Variants in TRNT1 observed in about 807,000 individuals in gnomAD.
TRNT1 encodes CCA tRNA nucleotidyltransferase 1, mitochondrial.
In TRNT1, 44 loss-of-function variants were observed where a neutral mutation model predicts 45.6. The ratio of observed to expected loss-of-function variants is 0.97; its 90% CI spans 0.76 to 1.24. TRNT1 has a LOEUF of 1.24. Among genes scored for constraint, TRNT1 ranks in the 50% most tolerant of loss-of-function variants. TRNT1 has a pLI of 0.00. For missense variants in TRNT1, 633 were observed against 504.4 expected (o/e 1.25, Z -2.44); for synonymous variants, 201 against 171.4 (o/e 1.17, Z -1.35).
intron 2 of TRNT1, among the ~76,000 whole-genome samples, chr3:3,133,410 T>G (rs1180110498): frequency 6.6e-6 from 1 of 151,924 alleles, no homozygotes; most frequent in African/African-American, 2.4e-5. Flanking sequence ...AATAATAAAT[T>G]TAGCCAGTTA....
At chr3:3,144,526 T>C (rs1416633537) in intron 4 of TRNT1, 58 bp from the exon 5 acceptor site, 1 of 1,492,876 alleles carries the variant, frequency 6.7e-7, no homozygotes, top group Non-Finnish European at 9.1e-7. Context: ...GATTTTCTTG[T>C]GTTTTCAAAT....
intron 3 of TRNT1, among the ~76,000 whole-genome samples, chr3:3,137,729 G>A (rs1037607805): frequency 6.6e-6 from 1 of 152,034 alleles, no homozygotes; most frequent in Admixed American, 6.6e-5. Context: ...TTCCATAAGG[G>A]AAGATGATTT....
intron 2 of TRNT1, chr3:3,129,451 G>A (rs888683109): frequency 2.4e-6 from 1 of 420,776 alleles, no homozygotes; most frequent in Middle Eastern, 7.1e-4. Context: ...GAAAGGCTTG[G>A]CTGGGTGTAC....
chr3:3,130,694 A>C (rs757348206), intron 2 of TRNT1: 1 of 152,224 alleles, frequency 6.6e-6, no homozygotes, highest in Non-Finnish European at 1.5e-5. Context: ...TGGTTCATCT[A>C]ATTTAATCCA....
chr3:3,150,781 G>A (rs1559237854), downstream of TRNT1: 1 of 1,287,222 alleles, frequency 7.8e-7, no homozygotes, highest in East Asian at 2.5e-5. Context: ...TGTTTACTTA[G>A]GTATGTATCA....
downstream of TRNT1, chr3:3,152,516 T>TA: frequency 1.2e-6 from 2 of 1,614,074 alleles, no homozygotes; most frequent in Non-Finnish European, 8.5e-7. Context: ...GCAAGCCTTA[T>TA]ACACAGTAAG....
In TRNT1 at chr3:3,139,337, A is replaced by G. The variant is rs919058082; in HGVS notation, c.343-1173A>G. ...TCAAATTCTTGAGTTCTGGAATTCT[A>G]TAGTGAGAGATAGATGTAGCTTGTA... On this transcript the variant is annotated intron_variant, in intron 3 of 7. Coordinates refer to ENST00000251607, the MANE Select transcript of TRNT1 (RefSeq NM_182916.3). Among the ~76,000 whole-genome samples the G allele has an allele frequency of 1.8e-4, 27 of 152,320 alleles. 2 individuals are homozygous for G. The highest frequency in any genetic ancestry group is 5.8e-4 in the African/African-American group (24 of 41,574).
At chr3:3,130,390 C>G (rs1704939707) in intron 2 of TRNT1, 1 of 163,720 alleles carries the variant, frequency 6.1e-6, no homozygotes, top group Admixed American at 5.6e-5. Flanking sequence ...TTAGCTTATT[C>G]TCAAAGCTAC....
chr3:3,134,043 G>A (rs1705174373), intron 2 of TRNT1, among the ~76,000 whole-genome samples: 1 of 152,094 alleles, frequency 6.6e-6, no homozygotes, highest in Non-Finnish European at 1.5e-5. Flanking sequence ...TATCAGAGGT[G>A]GCATTTGGAG....
chr3:3,149,611 G>C (rs1046029558), downstream of TRNT1: 1 of 152,036 alleles, frequency 6.6e-6, no homozygotes, highest in Non-Finnish European at 1.5e-5. Flanking sequence ...AAGAACTATA[G>C]GAACAAACCA....
At position 3,148,815 on chromosome 3, in the gene TRNT1, T is replaced by TAATTA. The variant is rs1553556448; in HGVS notation, c.*662_*663insATTAA. 6.6e-6 allele frequency: 1 copy of TAATTA among 151,984 alleles called. No homozygotes were observed. The highest frequency in any genetic ancestry group is 2.4e-5 in the African/African-American group (1 of 41,380). The allele number at this position is 151,984 out of a possible 1,614,324, so 9.4% of individuals were successfully genotyped here. ...GTCACTATTGAGCCTATTAATTAAT[T>TAATTA]ATTGTTTTAATAAAACAAACATTGG... On this transcript the variant is annotated 3_prime_UTR_variant, in exon 8 of 8. Coordinates refer to ENST00000251607, the MANE Select transcript of TRNT1 (RefSeq NM_182916.3).
At chr3:3,136,001 G>A (rs1705305636) in intron 2 of TRNT1, among the ~76,000 whole-genome samples, 1 of 152,128 alleles carries the variant, frequency 6.6e-6, no homozygotes, top group Non-Finnish European at 1.5e-5. Flanking sequence ...CGGGTTAGAT[G>A]CTCTCAGGAA....
Position 3,148,923 on chromosome 3 carries a change from G to GTGTT in TRNT1, c.*770_*773dup. On this transcript the variant is annotated 3_prime_UTR_variant, in exon 8 of 8. Coordinates refer to ENST00000251607, the MANE Select transcript of TRNT1 (RefSeq NM_182916.3). ...CAATGGTAATATGCCTGTCTTTAAAGTGTTATTTTATTAATTAAAAGGATA... is the reference window on the plus strand; with the variant it reads ...CAATGGTAATATGCCTGTCTTTAAAGTGTTTGTTATTTTATTAATTAAAAGGATA... The GTGTT allele has an allele frequency of 6.6e-6, 1 of 151,758 alleles. No individual in the cohort carries two copies. Among genetic ancestry groups the GTGTT allele is most frequent in the East Asian group, 1.9e-4 (1 of 5,186 alleles). 9.4% of individuals were successfully genotyped at this position (151,758 alleles called of 1,614,324 possible). A position where few individuals can be genotyped will look rare whatever the true frequency, so the allele number is the denominator to read the frequency against.
chr3:3,148,267 T>C lies in TRNT1; in HGVS notation c.*113T>C, dbSNP rs1326806330. 4.4e-6 allele frequency: 5 copies of C among 1,137,246 alleles called. No homozygotes were observed. The East Asian group carries it at 7.4e-5, about 17-fold the overall frequency. 70.4% of individuals were successfully genotyped at this position (1,137,246 alleles called of 1,614,324 possible). A position where few individuals can be genotyped will look rare whatever the true frequency, so the allele number is the denominator to read the frequency against. The stretch of plus-strand genomic sequence containing the variant: ...AATAAAAGACAGTTTAGGGGACCTC[T>C]GTAGAACAACAAGGGTCTTATTTTG... On this transcript the variant is annotated 3_prime_UTR_variant, in exon 8 of 8. Coordinates refer to ENST00000251607, the MANE Select transcript of TRNT1 (RefSeq NM_182916.3).
At position 3,148,025 on chromosome 3, in the gene TRNT1, CATCAGAA is replaced by C. The variant is rs2126038227; in HGVS notation, c.1178_1184del (p.Ile393LysfsTer34). On this transcript the variant is annotated frameshift_variant, in exon 8 of 8. Transcript: ENST00000251607. LOFTEE classifies it high-confidence loss of function. ...CTCCATTTCCTGTAAGTGGCCATGA[CATCAGAA>C]AAGTGGGCATTTCTTCAGGAAAAGA... The C allele has an allele frequency of 1.2e-6, 2 of 1,613,922 alleles. No homozygotes were observed. Among genetic ancestry groups the C allele is most frequent in the Non-Finnish European group, 1.7e-6 (2 of 1,179,876 alleles).
chr3:3,129,178 G>A lies in TRNT1; in HGVS notation c.138G>A (p.Lys46=). ...EFQSLFTEGL[K]SLTELFVKEN... ...AGTCACTTTTCACAGAAGGACTGAA[G>A]AGTCTGACAGGTGAGAGATTAGGAT... Residue 46 remains lysine, a synonymous_variant, in exon 2 of 8, where the codon AAG becomes AAA. Coordinates refer to ENST00000251607, the MANE Select transcript of TRNT1 (RefSeq NM_182916.3). The A allele has an allele frequency of 6.2e-7, 1 of 1,614,174 alleles. No homozygotes were observed. The highest frequency in any genetic ancestry group is 8.5e-7 in the Non-Finnish European group (1 of 1,180,004).
At chr3:3,149,987 T>C (rs1706386182), downstream of TRNT1, 1 of 152,196 alleles carries the variant, frequency 6.6e-6, no homozygotes, top group Non-Finnish European at 1.5e-5. Context: ...GTAGATATTT[T>C]ACATTATTTG....
chr3:3,136,733 C>T (rs1268359272), intron 2 of TRNT1: 1 of 401,976 alleles, frequency 2.5e-6, no homozygotes, highest in Non-Finnish European at 4.8e-6. Flanking sequence ...TAGCTCACCG[C>T]AGCCTTGAAC....
chr3:3,129,286 G>A (rs1575036029), intron 2 of TRNT1, 98 bp downstream of exon 2: 1 of 1,138,222 alleles, frequency 8.8e-7, no homozygotes, highest in East Asian at 2.5e-5. Flanking sequence ...TTTCATTGTT[G>A]TTTTAATTAT....
Sources: allele counts gnomAD v4.1 joint callset (sites outside exome capture counted in the v4.1 genomes callset), GRCh38; gene constraint gnomAD v4.1.1; transcripts MANE v1.5; gene names NCBI Gene and HGNC (gene_info 2026-07-23, HGNC 2026-07-21).